The following PCDH9 variants were observed in gnomAD, a reference collection of about 807,000 sequenced individuals.
PCDH9 encodes protocadherin-9.
PCDH9 carries 24 observed loss-of-function variants against 70.6 expected under a neutral mutation model. That is an observed-to-expected ratio of 0.34 (90% CI 0.25 to 0.48). The LOEUF (loss-of-function observed/expected upper bound fraction) is 0.48, where lower values mean the gene tolerates loss of function less well. Ranked by LOEUF, PCDH9 falls within the 20% of genes least tolerant of loss-of-function variation. The pLI is 0.99. For missense variants in PCDH9, 1,281 were observed against 1,503.6 expected (o/e 0.85, Z 2.45); for synonymous variants, 562 against 558.5 (o/e 1.01, Z -0.09).
chr13:66,671,956 A>G (rs1467984423), intron 3 of PCDH9, among the ~76,000 whole-genome samples: 8 of 152,206 alleles, frequency 5.3e-5, no homozygotes, highest in African/African-American at 1.9e-4. Flanking sequence ...GTTAATCACC[A>G]AAACAATGGG....
chr13:67,025,878 T>A (rs1345125189), intron 2 of PCDH9, among the ~76,000 whole-genome samples: 1 of 152,158 alleles, frequency 6.6e-6, no homozygotes, highest in Non-Finnish European at 1.5e-5. Flanking sequence ...TATTTATATA[T>A]CATTTATGCA....
chr13:67,053,857 G>A (rs888086936), intron 2 of PCDH9, among the ~76,000 whole-genome samples: 2 of 152,072 alleles, frequency 1.3e-5, no homozygotes, highest in Non-Finnish European at 2.9e-5. Context: ...CTATATACCA[G>A]ATATTGTTCC....
chr13:67,113,012 T>TA (rs2086688183), intron 2 of PCDH9, among the ~76,000 whole-genome samples: 1 of 152,212 alleles, frequency 6.6e-6, no homozygotes, highest in Non-Finnish European at 1.5e-5. Flanking sequence ...TAATGTCATG[T>TA]ATCTATTTGG....
intron 3 of PCDH9, among the ~76,000 whole-genome samples, chr13:66,642,026 A>G (rs1361860776): frequency 6.6e-6 from 1 of 152,064 alleles, no homozygotes; most frequent in Non-Finnish European, 1.5e-5. Context: ...CAGTTATGTA[A>G]GTGAGGAATA....
rs149007126 is a variant in PCDH9 at position 67,070,952 on chromosome 13, TAAG to T, written c.3036+154450_3036+154452del. On this transcript the variant is annotated intron_variant, in intron 2 of 4. Coordinates refer to ENST00000377865, the MANE Select transcript of PCDH9 (RefSeq NM_203487.3). ...GTATTTTTATCAAGCTCCTAAACTC[TAAG>T]TAGTCTGGCATATATTTTGACAAAA... Among the ~76,000 whole-genome samples, 675 of 152,278 alleles carry T rather than the reference TAAG, an allele frequency of 4.4e-3. 3 individuals are homozygous for T. Among genetic ancestry groups the T allele is most frequent in the African/African-American group, 0.015 (628 of 41,546 alleles).
intron 4 of PCDH9, among the ~76,000 whole-genome samples, chr13:66,471,541 A>T (rs1013298277): frequency 6.6e-6 from 1 of 152,222 alleles, no homozygotes; most frequent in Non-Finnish European, 1.5e-5. Context: ...TTATTTTAAC[A>T]TTATAATACC....
intron 3 of PCDH9, among the ~76,000 whole-genome samples, chr13:66,778,783 A>T (rs2079943320): frequency 6.6e-6 from 1 of 152,214 alleles, no homozygotes. Context: ...CTAATTGGCC[A>T]GGCTGGATTC....
intron 3 of PCDH9, among the ~76,000 whole-genome samples, chr13:66,664,049 G>A (rs954891040): frequency 1.3e-5 from 2 of 152,200 alleles, no homozygotes; most frequent in African/African-American, 4.8e-5. Flanking sequence ...AAAACAGCCA[G>A]CCAGACCACT....
intron 4 of PCDH9, among the ~76,000 whole-genome samples, chr13:66,580,036 T>G (rs1237863638): frequency 6.6e-6 from 1 of 152,024 alleles, no homozygotes; most frequent in East Asian, 1.9e-4. Context: ...TCTCTTAAGT[T>G]TCCAGGAGCA....
chr13:66,315,553 C>T (rs1364698756), intron 4 of PCDH9, among the ~76,000 whole-genome samples: 1 of 152,136 alleles, frequency 6.6e-6, no homozygotes, highest in East Asian at 1.9e-4. Context: ...GCAATCTCGG[C>T]TCACTGCAAG....
intron 2 of PCDH9, among the ~76,000 whole-genome samples, chr13:67,114,305 T>A (rs1046735516): frequency 6.6e-6 from 1 of 152,190 alleles, no homozygotes; most frequent in Non-Finnish European, 1.5e-5. Context: ...AAATCTGTGC[T>A]TTATACATGA....
chr13:66,517,339 A>G (rs189034924), intron 4 of PCDH9, among the ~76,000 whole-genome samples: 64 of 152,256 alleles, frequency 4.2e-4, no homozygotes, highest in African/African-American at 1.4e-3. Context: ...ACTTCCTCTA[A>G]GCTTGATCAC....
chr13:66,757,983 C>A (rs962794614), intron 3 of PCDH9, among the ~76,000 whole-genome samples: 3 of 151,852 alleles, frequency 2.0e-5, no homozygotes, highest in East Asian at 3.9e-4. Flanking sequence ...ATACTAACAT[C>A]ATTAATGAAC....
chr13:66,967,900 C>G (rs1474542601), intron 2 of PCDH9, among the ~76,000 whole-genome samples: 1 of 151,904 alleles, frequency 6.6e-6, no homozygotes, highest in African/African-American at 2.4e-5. Flanking sequence ...GCCCTGGTAC[C>G]TGGCATGTAT....
chr13:67,116,892 C>T (rs1011578264), intron 2 of PCDH9, among the ~76,000 whole-genome samples: 6 of 152,092 alleles, frequency 3.9e-5, no homozygotes, highest in Admixed American at 3.9e-4. Context: ...ATATTGTCCC[C>T]TCATTATTAA....
At chr13:66,422,009 A>T (rs1427019412) in intron 4 of PCDH9, among the ~76,000 whole-genome samples, 1 of 152,218 alleles carries the variant, frequency 6.6e-6, no homozygotes, top group African/African-American at 2.4e-5. Flanking sequence ...AGGGGTTGCA[A>T]TCCTAGTGTC....
At chr13:67,046,308 A>G (rs1348866635) in intron 2 of PCDH9, among the ~76,000 whole-genome samples, 10 of 152,176 alleles carry the variant, frequency 6.6e-5, no homozygotes, top group African/African-American at 9.7e-5. Flanking sequence ...CTTTTAGCAA[A>G]TAACTCTTAA....
At chr13:66,849,517 T>TATATATATATATAGAGAGAGAGAGAGAG (rs1272589939) in intron 3 of PCDH9, among the ~76,000 whole-genome samples, 2 of 63,582 alleles carry the variant, frequency 3.1e-5, no homozygotes, top group Admixed American at 2.0e-4. Context: ...TATATATATA[T>TATATATATATATAGAGAGAGAGAGAGAG]AGAGAGAGAG....
chr13:66,611,844 T>A (rs553752165), intron 4 of PCDH9, among the ~76,000 whole-genome samples: 4 of 152,310 alleles, frequency 2.6e-5, no homozygotes, highest in Non-Finnish European at 5.9e-5. Flanking sequence ...AGAACTATTC[T>A]AAGTGGGTTA....
Sources: gnomAD v4.1 joint callset for allele counts (sites outside exome capture counted in the v4.1 genomes callset) on GRCh38, gnomAD v4.1.1 for gene constraint, MANE v1.5 for transcripts, NCBI Gene and HGNC (gene_info 2026-07-23, HGNC 2026-07-21) for gene names.